The following TSGA10 variants were observed in gnomAD, a reference collection of about 807,000 sequenced individuals.
TSGA10 encodes the protein testis-specific gene 10 protein.
Under a neutral mutation model 96.6 loss-of-function variants are expected in TSGA10, and 43 were observed. The observed-to-expected ratio is 0.44, with a 90% CI of 0.35 to 0.57. The LOEUF is 0.57. Among genes scored for constraint, TSGA10 ranks in the 20% least tolerant of loss-of-function variants. TSGA10 has a pLI of 0.01. For missense variants in TSGA10, 703 were observed against 834.4 expected, an observed-to-expected ratio of 0.84 and a Z score of 1.94; for synonymous variants, 229 against 269.9, an observed-to-expected ratio of 0.85 and a Z score of 1.48.
intron 20 of TSGA10, among the ~76,000 whole-genome samples, chr2:99,011,971 T>C (rs2079045965): frequency 6.6e-6 from 1 of 152,078 alleles, no homozygotes; most frequent in Non-Finnish European, 1.5e-5. Context: ...GGAAAACCTA[T>C]CACATTAACA....
intron 16 of TSGA10, among the ~76,000 whole-genome samples, chr2:99,055,259 A>G (rs1281982771): frequency 6.6e-6 from 1 of 152,216 alleles, no homozygotes; most frequent in African/African-American, 2.4e-5. Flanking sequence ...AGCCAGGCAC[A>G]GTAAGACAAA....
intron 16 of TSGA10, among the ~76,000 whole-genome samples, chr2:99,043,756 C>A (rs1390498257): frequency 1.3e-5 from 2 of 152,070 alleles, no homozygotes; most frequent in African/African-American, 2.4e-5. Flanking sequence ...AACAAAACAA[C>A]CCAAAATACC....
At chr2:99,078,516 G>A in intron 12 of TSGA10, 143 bp downstream of exon 12, 3 of 791,220 alleles carry the variant, frequency 3.8e-6, no homozygotes, top group Non-Finnish European at 5.7e-6. Context: ...ATATTTCAAA[G>A]TCAGATTTTG....
At chr2:99,136,896 C>G (rs1286759202) in intron 1 of TSGA10, among the ~76,000 whole-genome samples, 1 of 149,570 alleles carries the variant, frequency 6.7e-6, no homozygotes, top group Non-Finnish European at 1.5e-5. Flanking sequence ...ACTCTTCATT[C>G]CAAAAGAACT....
intron 17 of TSGA10, among the ~76,000 whole-genome samples, chr2:99,022,268 T>C (rs1471008825): frequency 7.6e-6 from 1 of 130,974 alleles, no homozygotes; most frequent in Non-Finnish European, 1.5e-5. Flanking sequence ...GAGGATACAG[T>C]GAGCCAAGAT....
At chr2:99,058,992 C>T (rs2084316766) in intron 16 of TSGA10, among the ~76,000 whole-genome samples, 1 of 148,594 alleles carries the variant, frequency 6.7e-6, no homozygotes, top group South Asian at 2.1e-4. Context: ...GCTGAGATCA[C>T]ACCAGTGTGC....
chr2:99,082,264 G>C (rs976997957), intron 10 of TSGA10, among the ~76,000 whole-genome samples: 9 of 151,950 alleles, frequency 5.9e-5, no homozygotes, highest in African/African-American at 1.9e-4. Context: ...ACCTGGTTCC[G>C]TTGCTTTTTT....
intron 20 of TSGA10, among the ~76,000 whole-genome samples, chr2:99,004,460 G>T (rs1013031126): frequency 1.3e-5 from 2 of 149,196 alleles, no homozygotes; most frequent in African/African-American, 4.9e-5. Context: ...TAAAGGGGAT[G>T]TCACCACCGA....
intron 1 of TSGA10, among the ~76,000 whole-genome samples, chr2:99,151,646 A>G (rs147643448): frequency 2.5e-4 from 38 of 152,318 alleles, no homozygotes; most frequent in Middle Eastern, 3.4e-3. Context: ...CAAAAGACCA[A>G]TAAATTGCAT....
chr2:99,150,104 C>G (rs563204614), intron 1 of TSGA10, among the ~76,000 whole-genome samples: 1 of 152,224 alleles, frequency 6.6e-6, no homozygotes, highest in African/African-American at 2.4e-5. Flanking sequence ...TCACAAGTAT[C>G]TTTATAGGAC....
Position 99,020,266 on chromosome 2 carries a change from G to A in TSGA10, c.1817+14C>T. 1 of 1,608,096 alleles carries A rather than the reference G, an allele frequency of 6.2e-7. No individual in the cohort carries two copies. The highest frequency in any genetic ancestry group is 8.5e-7 in the Non-Finnish European group (1 of 1,175,350). ...AAGATGTATGACTTTACTTTATATT[G>A]CTAAACAACTCACATTTTATTTTCT... On this transcript the variant is annotated intron_variant, in intron 18 of 20. Coordinates refer to ENST00000393483, the MANE Select transcript of TSGA10 (RefSeq NM_025244.4).
chr2:99,108,771 A>G, intron 7 of TSGA10, 62 bp downstream of exon 7: 1 of 1,258,956 alleles, frequency 7.9e-7, no homozygotes, highest in Non-Finnish European at 1.1e-6. Flanking sequence ...AACTCAAAGA[A>G]GAATTACATA....
chr2:99,129,827 C>T (rs11895749), intron 1 of TSGA10, among the ~76,000 whole-genome samples: 79,135 of 152,026 alleles, frequency 0.52, 22,109 homozygotes, highest in Middle Eastern at 0.7. Context: ...ATGATGTTCC[C>T]CTCCCTGTGT....
chr2:99,067,904 T>G (rs557584464), intron 15 of TSGA10, among the ~76,000 whole-genome samples: 3 of 152,212 alleles, frequency 2.0e-5, no homozygotes, highest in Admixed American at 2.0e-4. Context: ...TATTCTAGAA[T>G]AGATTCAGAT....
In TSGA10 at chr2:99,078,650, AG is replaced by A; in HGVS notation, c.882+8del. ...ACGTTTCTTATAAACCACAGTTCTC[AG>A]AACATACTTTCATTGCCAAACTCTC... is the stretch of plus-strand genomic sequence containing the variant. On this transcript the variant is annotated splice_region_variant and intron_variant, in intron 12 of 20. Transcript: ENST00000393483. The A allele has an allele frequency of 6.2e-7, 1 of 1,609,948 alleles. No homozygotes were observed.
At chr2:99,154,298 C>T (rs977633014) in intron 1 of TSGA10, 8 of 152,340 alleles carry the variant, frequency 5.3e-5, no homozygotes, top group Admixed American at 2.0e-4. Flanking sequence ...TACCTTGCTA[C>T]CTTGACTGCT....
chr2:99,061,712 C>T (rs1478568724), intron 16 of TSGA10, among the ~76,000 whole-genome samples: 1 of 152,132 alleles, frequency 6.6e-6, no homozygotes, highest in Admixed American at 6.6e-5. Flanking sequence ...AATTATATTC[C>T]TCACGGCCAA....
At chr2:99,058,606 A>T (rs74608814) in intron 16 of TSGA10, among the ~76,000 whole-genome samples, 8,236 of 152,234 alleles carry the variant, frequency 0.054, 412 homozygotes, top group East Asian at 0.21. Flanking sequence ...AGAATAGAGA[A>T]ATGCTACAAA....
At chr2:99,030,270 C>A (rs2105037162) in intron 17 of TSGA10, among the ~76,000 whole-genome samples, 1 of 152,258 alleles carries the variant, frequency 6.6e-6, no homozygotes, top group Middle Eastern at 3.4e-3. Context: ...TCACTTCAAC[C>A]TGGGAGGTGG....
Sources: gnomAD v4.1 joint callset for allele counts (sites outside exome capture counted in the v4.1 genomes callset) on GRCh38, gnomAD v4.1.1 for gene constraint, MANE v1.5 for transcripts, NCBI Gene and HGNC (gene_info 2026-07-23, HGNC 2026-07-21) for gene names.